PPIP5K2: variants seen among roughly 807,000 people sequenced by gnomAD.
PPIP5K2 encodes diphosphoinositol pentakisphosphate kinase 2, also known as inositol hexakisphosphate and diphosphoinositol-pentakisphosphate kinase 2.
PPIP5K2 carries 105 observed loss-of-function variants against 154.6 expected under a neutral mutation model. That is an observed-to-expected ratio of 0.68 (90% CI 0.58 to 0.80). The LOEUF is 0.80. PPIP5K2 is among the 30% of genes least tolerant of loss of function. The pLI is 0.00. For missense variants in PPIP5K2, 992 were observed against 1,504.6 expected (o/e 0.66, Z 5.64); for synonymous variants, 480 against 490.3 (o/e 0.98, Z 0.28).
intron 9 of PPIP5K2, among the ~76,000 whole-genome samples, chr5:103,151,766 A>T (rs1794678485): frequency 1.3e-5 from 2 of 152,102 alleles, no homozygotes; most frequent in Middle Eastern, 3.2e-3. Flanking sequence ...TTTAGAATTC[A>T]TGACTCTTTT....
In PPIP5K2 at chr5:103,209,565, A is replaced by G. The variant is rs1803692856; in HGVS notation, c.*7931A>G. On this transcript the variant is annotated 3_prime_UTR_variant, in exon 31 of 31. Coordinates refer to ENST00000358359, the MANE Select transcript of PPIP5K2 (RefSeq NM_001276277.3). ...TTAGAAAGATGTAACTTGACAAGGA[A>G]AGCAGTCTCTTTTGTCATTCTACAT... 6.6e-6 allele frequency: 1 copy of G among 152,180 alleles called. No homozygotes were observed. Among genetic ancestry groups the G allele is most frequent in the East Asian group, 1.9e-4 (1 of 5,196 alleles). 9.4% of individuals were successfully genotyped at this position (152,180 alleles called of 1,614,324 possible).
At chr5:103,177,130 C>T (rs549333993) in intron 21 of PPIP5K2, among the ~76,000 whole-genome samples, 2 of 150,804 alleles carry the variant, frequency 1.3e-5, no homozygotes, top group African/African-American at 4.8e-5. Context: ...GTCTCTTACC[C>T]TCAGAATTCA....
intron 5 of PPIP5K2, among the ~76,000 whole-genome samples, chr5:103,139,517 AGTCTTTTTT>A (rs1792186671): frequency 6.6e-6 from 1 of 152,176 alleles, no homozygotes; most frequent in Non-Finnish European, 1.5e-5. Context: ...CATAACACTT[AGTCTTTTTT>A]GAATATGTGG....
chr5:103,195,919 T>C (rs973473235), intron 30 of PPIP5K2, among the ~76,000 whole-genome samples: 1 of 152,210 alleles, frequency 6.6e-6, no homozygotes, highest in Non-Finnish European at 1.5e-5. Context: ...CTGCTACTTA[T>C]TAGCTATGTG....
At chr5:103,201,386 T>C in intron 30 of PPIP5K2, 136 bp from the exon 31 acceptor site, 1 of 572,718 alleles carries the variant, frequency 1.7e-6, no homozygotes, top group Non-Finnish European at 3.0e-6. Context: ...TTAAAAATGC[T>C]ATATTAAATT....
chr5:103,155,950 C>G lies in PPIP5K2; in HGVS notation c.1445C>G (p.Thr482Ser), dbSNP rs782326192. The G allele has an allele frequency of 1.2e-6, 2 of 1,604,442 alleles. No homozygotes were observed. The highest frequency in any genetic ancestry group is 1.7e-6 in the Non-Finnish European group (2 of 1,171,474). Reference sequence around the variant, plus strand: ...GGAATAAATCGTAAGGTTCAGTTGACCTATCTCCCTCATGGTTGTCCTAAA... The same window carrying G: ...GGAATAAATCGTAAGGTTCAGTTGAGCTATCTCCCTCATGGTTGTCCTAAA... ...FSGINRKVQL[T>S]YLPHGCPKTS... Residue 482 changes from threonine to serine, a missense_variant, in exon 14 of 31, where the codon ACC (threonine) becomes AGC (serine). This residue lies in a region of PPIP5K2 where 163 missense variants were observed against 285.2 expected (regional missense o/e 0.57). Transcript: ENST00000358359.
intron 19 of PPIP5K2, among the ~76,000 whole-genome samples, chr5:103,169,378 T>TG (rs150028858): frequency 0.016 from 2,489 of 151,592 alleles, 60 homozygotes; most frequent in African/African-American, 0.058. Flanking sequence ...ATAAAGATTA[T>TG]GAAAAAAAAG....
At chr5:103,128,562 G>A (rs1790100722) in intron 1 of PPIP5K2, among the ~76,000 whole-genome samples, 1 of 152,110 alleles carries the variant, frequency 6.6e-6, no homozygotes, top group Non-Finnish European at 1.5e-5. Context: ...GTGAGCCAAT[G>A]AGTCCAGCTA....
chr5:103,182,150 T>C (rs782521361), intron 24 of PPIP5K2, among the ~76,000 whole-genome samples: 4 of 152,176 alleles, frequency 2.6e-5, no homozygotes, highest in African/African-American at 7.2e-5. Flanking sequence ...TGATGTGTTA[T>C]TGAATAAGCA....
chr5:103,186,576 G>A (rs1554225174), intron 27 of PPIP5K2, 137 bp downstream of exon 27: 3 of 1,200,176 alleles, frequency 2.5e-6, no homozygotes, highest in African/African-American at 1.5e-5. Flanking sequence ...ATGACTATCA[G>A]TGCTCTCTGT....
Position 103,207,481 on chromosome 5 carries a change from A to C in PPIP5K2, c.*5847A>C, listed in dbSNP as rs1803581487. 1 of 152,144 alleles carries C rather than the reference A, an allele frequency of 6.6e-6. No individual in the cohort carries two copies. The highest frequency in any genetic ancestry group is 1.5e-5 in the Non-Finnish European group (1 of 68,024). 9.4% of individuals were successfully genotyped at this position (152,144 alleles called of 1,614,324 possible). ...ATCAGCAATGTATGCTGTATACTACACTTGCATTATGTTATTCACATTTGC... is the reference window on the plus strand; with the variant it reads ...ATCAGCAATGTATGCTGTATACTACCCTTGCATTATGTTATTCACATTTGC... On this transcript the variant is annotated 3_prime_UTR_variant, in exon 31 of 31. Transcript: ENST00000358359.
chr5:103,174,997 G>A (rs1402382551), intron 21 of PPIP5K2, among the ~76,000 whole-genome samples: 3 of 152,046 alleles, frequency 2.0e-5, no homozygotes, highest in Non-Finnish European at 4.4e-5. Flanking sequence ...ACTACTTGAA[G>A]TCCAGAATCT....
chr5:103,178,071 A>G, intron 23 of PPIP5K2, 91 bp downstream of exon 23: 1 of 830,034 alleles, frequency 1.2e-6, no homozygotes, highest in East Asian at 2.6e-5. Context: ...TACTATAAAT[A>G]ATTCTTATTT....
chr5:103,131,993 T>A (rs557980209), intron 2 of PPIP5K2, among the ~76,000 whole-genome samples: 1 of 152,168 alleles, frequency 6.6e-6, no homozygotes, highest in Non-Finnish European at 1.5e-5. Context: ...ATGTGAAATG[T>A]TAGGTTAGAG....
At chr5:103,188,248 G>A (rs1182646081) in intron 28 of PPIP5K2, among the ~76,000 whole-genome samples, 1 of 152,096 alleles carries the variant, frequency 6.6e-6, no homozygotes, top group African/African-American at 2.4e-5. Flanking sequence ...ATTTAAAAGA[G>A]CACTTACAGA....
At chr5:103,187,269 T>A in intron 27 of PPIP5K2, 45 bp from the exon 28 acceptor site, 1 of 1,428,216 alleles carries the variant, frequency 7.0e-7, no homozygotes. Context: ...AGTGTTCTTT[T>A]TGTAGCTGTT....
intron 28 of PPIP5K2, chr5:103,189,070 C>T: frequency 1.2e-6 from 1 of 867,558 alleles, no homozygotes; most frequent in South Asian, 1.7e-5. Flanking sequence ...TAACACATAT[C>T]ATGGACTTAC....
intron 9 of PPIP5K2, 31 bp from the exon 10 acceptor site, chr5:103,152,617 A>T: frequency 7.1e-7 from 1 of 1,408,710 alleles, no homozygotes; most frequent in Non-Finnish European, 1.0e-6. Flanking sequence ...AAAACGTACT[A>T]ATTTTAAATC....
At chr5:103,163,070 G>A (rs1455208203) in intron 17 of PPIP5K2, among the ~76,000 whole-genome samples, 2 of 144,442 alleles carry the variant, frequency 1.4e-5, no homozygotes, top group African/African-American at 5.2e-5. Flanking sequence ...CACCCCAAAT[G>A]GATCCTTCTT....
Sources: allele counts gnomAD v4.1 joint callset (sites outside exome capture counted in the v4.1 genomes callset), GRCh38; gene constraint gnomAD v4.1.1; regional missense constraint gnomAD v4.1.1; transcripts MANE v1.5; gene names NCBI Gene and HGNC (gene_info 2026-07-23, HGNC 2026-07-21).